Variants in DTNA observed in about 807,000 individuals in gnomAD.
DTNA encodes the protein dystrobrevin alpha.
A neutral mutation model predicts 100.7 loss-of-function variants in DTNA; 43 were observed. That is an observed-to-expected ratio of 0.43 (90% CI 0.33 to 0.55). The LOEUF (loss-of-function observed/expected upper bound fraction) is 0.55, where lower values mean the gene tolerates loss of function less well. Ranked by LOEUF, DTNA falls within the 20% of genes least tolerant of loss-of-function variation. DTNA has a pLI of 0.04. For synonymous variants in DTNA, 349 were observed against 347.9 expected, an observed-to-expected ratio of 1.00 and a Z score of -0.04; for missense variants, 798 against 953.9, an observed-to-expected ratio of 0.84 and a Z score of 2.15.
chr18:34,743,954 G>C (rs1056350051), intron 1 of DTNA, among the ~76,000 whole-genome samples: 1 of 151,788 alleles, frequency 6.6e-6, no homozygotes, highest in Non-Finnish European at 1.5e-5. Context: ...CGCTTTCCTC[G>C]TGTGGCCTCT....
At chr18:34,682,801 C>T (rs978898259) in intron 1 of DTNA, among the ~76,000 whole-genome samples, 1 of 151,702 alleles carries the variant, frequency 6.6e-6, no homozygotes, top group South Asian at 2.1e-4. Context: ...TTTCTGTCTT[C>T]GCTTGTCATT....
intron 1 of DTNA, among the ~76,000 whole-genome samples, chr18:34,616,038 A>G (rs952341520): frequency 1.3e-5 from 2 of 152,314 alleles, no homozygotes; most frequent in African/African-American, 4.8e-5. Context: ...GAATAGTGCT[A>G]CAGTTAACAT....
At chr18:34,561,770 G>T (rs1248389655) in intron 1 of DTNA, among the ~76,000 whole-genome samples, 4 of 152,040 alleles carry the variant, frequency 2.6e-5, no homozygotes, top group Admixed American at 1.3e-4. Flanking sequence ...AGAGAAAAAG[G>T]TTATAAATGG....
intron 4 of DTNA, among the ~76,000 whole-genome samples, chr18:34,795,065 A>C (rs551755622): frequency 6.6e-6 from 1 of 152,300 alleles, no homozygotes; most frequent in South Asian, 2.1e-4. Context: ...AATAGCCTCC[A>C]ACCTGGACGT....
intron 1 of DTNA, among the ~76,000 whole-genome samples, chr18:34,698,034 ATG>A (rs2080830805): frequency 6.6e-6 from 1 of 152,044 alleles, no homozygotes; most frequent in African/African-American, 2.4e-5. Flanking sequence ...CCTTCACACA[ATG>A]CGTCATCTGC....
intron 1 of DTNA, among the ~76,000 whole-genome samples, chr18:34,629,802 T>C (rs1025502451): frequency 2.0e-5 from 3 of 152,132 alleles, no homozygotes; most frequent in Non-Finnish European, 4.4e-5. Context: ...CCTCCTAACT[T>C]AGTCCATTTT....
intron 2 of DTNA, among the ~76,000 whole-genome samples, chr18:34,763,511 T>C (rs1304101205): frequency 6.6e-6 from 1 of 152,222 alleles, no homozygotes; most frequent in African/African-American, 2.4e-5. Flanking sequence ...ATTTGACTTA[T>C]ATAGAAGTGC....
intron 1 of DTNA, among the ~76,000 whole-genome samples, chr18:34,545,075 C>T (rs537861025): frequency 8.5e-5 from 13 of 152,098 alleles, no homozygotes; most frequent in African/African-American, 1.4e-4. Flanking sequence ...ATCCTATCAC[C>T]GGAGAGAGAC....
At chr18:34,720,281 G>A (rs775895789) in intron 1 of DTNA, among the ~76,000 whole-genome samples, 18 of 152,126 alleles carry the variant, frequency 1.2e-4, no homozygotes, top group Non-Finnish European at 2.4e-4. Context: ...GTCATCCTCT[G>A]TACAAAAAGA....
intron 16 of DTNA, among the ~76,000 whole-genome samples, chr18:34,861,629 G>T (rs1332040472): frequency 6.6e-6 from 1 of 151,832 alleles, no homozygotes; most frequent in Non-Finnish European, 1.5e-5. Context: ...TCACTATTTA[G>T]TCTTGTTTTC....
chr18:34,696,023 A>G (rs761804669), intron 1 of DTNA, among the ~76,000 whole-genome samples: 7 of 152,240 alleles, frequency 4.6e-5, no homozygotes, highest in Non-Finnish European at 1.0e-4. Context: ...GCAGACTGAT[A>G]GCAGGATGGT....
chr18:34,878,290 A>T (rs1489586250), intron 19 of DTNA, among the ~76,000 whole-genome samples: 3 of 152,104 alleles, frequency 2.0e-5, no homozygotes, highest in Non-Finnish European at 2.9e-5. Flanking sequence ...AGTAATGTTT[A>T]TATTTTGCTT....
chr18:34,688,728 GA>G (rs1038790511), intron 1 of DTNA, among the ~76,000 whole-genome samples: 2 of 152,114 alleles, frequency 1.3e-5, no homozygotes, highest in Non-Finnish European at 2.9e-5. Context: ...ATAATATCCT[GA>G]AGTGTGTTTT....
At chr18:34,557,694 C>G (rs1462895348) in intron 1 of DTNA, among the ~76,000 whole-genome samples, 2 of 151,560 alleles carry the variant, frequency 1.3e-5, no homozygotes, top group African/African-American at 4.8e-5. Context: ...GGTCAGGGGT[C>G]AGGGACCCAC....
intron 1 of DTNA, among the ~76,000 whole-genome samples, chr18:34,621,572 G>A (rs2056512532): frequency 6.6e-6 from 1 of 152,128 alleles, no homozygotes; most frequent in Non-Finnish European, 1.5e-5. Flanking sequence ...AATAAGCCAG[G>A]CACAGAAAGG....
intron 1 of DTNA, among the ~76,000 whole-genome samples, chr18:34,570,745 A>G (rs1296567347): frequency 6.6e-6 from 1 of 152,176 alleles, no homozygotes; most frequent in Non-Finnish European, 1.5e-5. Flanking sequence ...GGGTAATTCC[A>G]GAGGTCACAA....
intron 1 of DTNA, among the ~76,000 whole-genome samples, chr18:34,711,870 A>G (rs1354153361): frequency 1.3e-5 from 2 of 152,146 alleles, no homozygotes; most frequent in Non-Finnish European, 2.9e-5. Flanking sequence ...AAAGTACTAT[A>G]ATAGCATCTA....
chr18:34,752,303 A>G (rs2092389984), intron 1 of DTNA, among the ~76,000 whole-genome samples: 1 of 152,196 alleles, frequency 6.6e-6, no homozygotes, highest in South Asian at 2.1e-4. Context: ...CATTTCAGAA[A>G]TAAAACTGCT....
chr18:34,763,520 G>C (rs926948374), intron 2 of DTNA, among the ~76,000 whole-genome samples: 8 of 152,102 alleles, frequency 5.3e-5, no homozygotes, highest in African/African-American at 1.9e-4. Flanking sequence ...ATATAGAAGT[G>C]CATATGATTT....
Sources: allele counts gnomAD v4.1 joint callset (sites outside exome capture counted in the v4.1 genomes callset), GRCh38; gene constraint gnomAD v4.1.1; transcripts MANE v1.5; gene names NCBI Gene and HGNC (gene_info 2026-07-23, HGNC 2026-07-21).